The following LRMDA variants were observed in gnomAD, a reference collection of about 807,000 sequenced individuals.
LRMDA encodes leucine rich melanocyte differentiation associated, also known as leucine-rich melanocyte differentiation-associated protein.
LRMDA carries 18 observed loss-of-function variants against 29.8 expected under a neutral mutation model. That is an observed-to-expected ratio of 0.60 (90% CI 0.42 to 0.90). The LOEUF (loss-of-function observed/expected upper bound fraction) is 0.90. LRMDA is among the 40% of genes least tolerant of loss of function. The pLI is 0.00. For synonymous variants in LRMDA, 125 were observed against 109.4 expected (o/e 1.14, Z -0.89); for missense variants, 273 against 273.9 (o/e 1.00, Z 0.02).
At chr10:75,856,098 G>A (rs949951089) in intron 2 of LRMDA, among the ~76,000 whole-genome samples, 1 of 152,140 alleles carries the variant, frequency 6.6e-6, no homozygotes, top group Non-Finnish European at 1.5e-5. Context: ...CCAATTCTGT[G>A]AAGCAAGTCA....
chr10:75,842,836 A>G (rs1338476063), intron 2 of LRMDA, among the ~76,000 whole-genome samples: 1 of 151,664 alleles, frequency 6.6e-6, no homozygotes, highest in Non-Finnish European at 1.5e-5. Flanking sequence ...GAGTCCAGTA[A>G]CACAGTGAGA....
At chr10:75,627,979 A>G (rs1841272994) in intron 2 of LRMDA, among the ~76,000 whole-genome samples, 1 of 152,224 alleles carries the variant, frequency 6.6e-6, no homozygotes, top group Non-Finnish European at 1.5e-5. Flanking sequence ...GTCTTGGTCA[A>G]CATATCTCCA....
chr10:75,742,942 T>G (rs577525284), intron 2 of LRMDA: 1 of 152,342 alleles, frequency 6.6e-6, no homozygotes, highest in African/African-American at 2.4e-5. Context: ...TTAGTGCTAT[T>G]CATTCTGATT....
chr10:76,150,078 T>G (rs940852022), intron 5 of LRMDA, among the ~76,000 whole-genome samples: 2 of 152,198 alleles, frequency 1.3e-5, no homozygotes, highest in African/African-American at 4.8e-5. Flanking sequence ...TGCTGTCTCC[T>G]TGGGGGGAAG....
rs148815181 is a variant in LRMDA at position 76,004,534 on chromosome 10, C to T, written c.132-31474C>T. On this transcript the variant is annotated intron_variant, in intron 2 of 6. Transcript: ENST00000611255. ...GACCTGGGGAAACTTACAGAAAGAG[C>T]GGCAGACAGTGTCAGGCAGGCCACA... Among the ~76,000 whole-genome samples the T allele has an allele frequency of 2.5e-3, 382 of 152,252 alleles. 2 individuals are homozygous for T. Among genetic ancestry groups the T allele is most frequent in the African/African-American group, 6.3e-3 (260 of 41,542 alleles).
intron 6 of LRMDA, among the ~76,000 whole-genome samples, chr10:76,341,198 A>T (rs1246705330): frequency 6.6e-6 from 1 of 152,172 alleles, no homozygotes; most frequent in African/African-American, 2.4e-5. Context: ...TGAGGCAAAG[A>T]AAGATGCCTG....
intron 2 of LRMDA, among the ~76,000 whole-genome samples, chr10:75,960,069 C>T (rs759417767): frequency 6.6e-6 from 1 of 152,204 alleles, no homozygotes; most frequent in African/African-American, 2.4e-5. Context: ...AAATGCCCCC[C>T]TCCTGGCCAG....
chr10:76,271,205 C>T (rs941549651), intron 5 of LRMDA, among the ~76,000 whole-genome samples: 3 of 152,116 alleles, frequency 2.0e-5, no homozygotes, highest in Admixed American at 1.3e-4. Context: ...CTCAGGAGTT[C>T]GAGGCCAGCC....
At chr10:76,392,456 G>A (rs1403097698) in intron 6 of LRMDA, among the ~76,000 whole-genome samples, 1 of 152,088 alleles carries the variant, frequency 6.6e-6, no homozygotes, top group African/African-American at 2.4e-5. Flanking sequence ...GGCACTGGAA[G>A]TATTTTGGAT....
chr10:75,679,199 A>G (rs755907252), intron 2 of LRMDA, among the ~76,000 whole-genome samples: 5 of 152,174 alleles, frequency 3.3e-5, no homozygotes, highest in Non-Finnish European at 5.9e-5. Flanking sequence ...ATTCTCCACT[A>G]TTGTGGCTTT....
chr10:75,655,896 ATCCCACT>A (rs1231777127), intron 2 of LRMDA, among the ~76,000 whole-genome samples: 1 of 152,066 alleles, frequency 6.6e-6, no homozygotes, highest in African/African-American at 2.4e-5. Context: ...CACATCCCTC[ATCCCACT>A]GTCTCTCTCC....
intron 5 of LRMDA, among the ~76,000 whole-genome samples, chr10:76,100,956 T>C (rs1589326877): frequency 1.3e-5 from 2 of 151,894 alleles, no homozygotes; most frequent in Middle Eastern, 6.8e-3. Context: ...AGTACATAGT[T>C]GGCCTTCAGC....
chr10:75,462,129 T>A (rs1475739106), intron 2 of LRMDA, among the ~76,000 whole-genome samples: 2 of 152,242 alleles, frequency 1.3e-5, no homozygotes. Context: ...GTATGAAGCC[T>A]GGATACAGTG....
chr10:76,154,263 G>A (rs1445666601), intron 5 of LRMDA, among the ~76,000 whole-genome samples: 1 of 152,146 alleles, frequency 6.6e-6, no homozygotes, highest in East Asian at 1.9e-4. Flanking sequence ...CTTTGCTAAG[G>A]TAGACACATG....
intron 5 of LRMDA, among the ~76,000 whole-genome samples, chr10:76,112,286 C>A (rs533564309): frequency 6.6e-5 from 10 of 152,158 alleles, no homozygotes; most frequent in Non-Finnish European, 1.0e-4. Flanking sequence ...CAGCCCCTCT[C>A]CCTGAGCACA....
At chr10:76,116,690 G>A (rs1203093898) in intron 5 of LRMDA, among the ~76,000 whole-genome samples, 4 of 152,136 alleles carry the variant, frequency 2.6e-5, no homozygotes, top group African/African-American at 9.7e-5. Flanking sequence ...AGCCTTCCCA[G>A]ATGTCAACTT....
At position 76,308,216 on chromosome 10, in the gene LRMDA, A is replaced by G. The variant is rs149916262; in HGVS notation, c.517-16185A>G. Among the ~76,000 whole-genome samples, 19 of 152,260 alleles carry G rather than the reference A, an allele frequency of 1.2e-4. No individual in the cohort carries two copies. The East Asian group carries it at 3.7e-3, about 29-fold the overall frequency. On this transcript the variant is annotated intron_variant, in intron 5 of 6. Coordinates refer to ENST00000611255, the MANE Select transcript of LRMDA (RefSeq NM_001305581.2). ...TCATCTACTTGAACATCAATTTTCA[A>G]TGGTCCCTTCAACCTTCTCTTTAAA...
chr10:76,377,014 T>A (rs1841530271), intron 6 of LRMDA, among the ~76,000 whole-genome samples: 1 of 151,610 alleles, frequency 6.6e-6, no homozygotes, highest in African/African-American at 2.4e-5. Context: ...GCCTCCTGAG[T>A]AGCTGGGACT....
At chr10:75,868,505 T>C (rs956088634) in intron 2 of LRMDA, among the ~76,000 whole-genome samples, 1 of 152,242 alleles carries the variant, frequency 6.6e-6, no homozygotes, top group South Asian at 2.1e-4. Context: ...TTTGCACTGC[T>C]TCACCAATGC....
Sources: allele counts gnomAD v4.1 joint callset (sites outside exome capture counted in the v4.1 genomes callset), GRCh38; gene constraint gnomAD v4.1.1; transcripts MANE v1.5; gene names NCBI Gene and HGNC (gene_info 2026-07-23, HGNC 2026-07-21).